The following CSMD1 variants were observed in gnomAD, a reference collection of about 807,000 sequenced individuals.
CSMD1 encodes the protein CUB and sushi domain-containing protein 1.
CSMD1 carries 213 observed loss-of-function variants against 417.5 expected under a neutral mutation model. The ratio of observed to expected loss-of-function variants is 0.51; its 90% CI spans 0.46 to 0.57. The LOEUF is 0.57. Ranked by LOEUF, CSMD1 falls within the 20% of genes least tolerant of loss-of-function variation. The probability of loss-of-function intolerance (pLI) is 0.00; values close to 1 mark genes in which losing one functional copy is unlikely to be tolerated. For missense variants in CSMD1, 6,923 were observed against 4,529.7 expected, an observed-to-expected ratio of 1.53 and a Z score of -15.17; for synonymous variants, 2,862 against 1,736.8, an observed-to-expected ratio of 1.65 and a Z score of -16.11.
chr8:4,440,992 A>G (rs1798435767), intron 2 of CSMD1, among the ~76,000 whole-genome samples: 1 of 135,332 alleles, frequency 7.4e-6, no homozygotes, highest in Non-Finnish European at 1.7e-5. Context: ...GTGAGACTCT[A>G]TCTCAAAAAA....
intron 3 of CSMD1, among the ~76,000 whole-genome samples, chr8:4,183,812 C>G (rs945939181): frequency 1.3e-5 from 2 of 152,132 alleles, no homozygotes; most frequent in Admixed American, 6.6e-5. Flanking sequence ...TCTGTAAGTA[C>G]TTATTAAATG....
intron 1 of CSMD1, among the ~76,000 whole-genome samples, chr8:4,641,929 C>A (rs943282156): frequency 6.6e-6 from 1 of 152,170 alleles, no homozygotes; most frequent in African/African-American, 2.4e-5. Context: ...ATAATTATTG[C>A]TAACATTTTG....
intron 1 of CSMD1, among the ~76,000 whole-genome samples, chr8:4,820,117 G>A (rs552557026): frequency 1.2e-4 from 18 of 152,208 alleles, no homozygotes; most frequent in Non-Finnish European, 2.9e-5. Flanking sequence ...TCTGAGCTGG[G>A]ACAGAGGCTA....
chr8:4,838,664 G>A (rs1400447756), intron 1 of CSMD1, among the ~76,000 whole-genome samples: 1 of 152,202 alleles, frequency 6.6e-6, no homozygotes, highest in African/African-American at 2.4e-5. Context: ...GCGGAGGTGG[G>A]ATGAGAAGCA....
At chr8:3,019,083 A>G (rs1005166412) in intron 51 of CSMD1, among the ~76,000 whole-genome samples, 1 of 152,006 alleles carries the variant, frequency 6.6e-6, no homozygotes, top group African/African-American at 2.4e-5. Context: ...ATGTCCCGCT[A>G]ATTTTTGTAT....
intron 3 of CSMD1, among the ~76,000 whole-genome samples, chr8:4,268,191 A>G (rs1416861198): frequency 1.3e-5 from 2 of 152,188 alleles, no homozygotes; most frequent in African/African-American, 2.4e-5. Flanking sequence ...GTATCAACTC[A>G]CCATAAAGGA....
chr8:4,703,301 T>A (rs1420697005), intron 1 of CSMD1, among the ~76,000 whole-genome samples: 1 of 152,170 alleles, frequency 6.6e-6, no homozygotes, highest in African/African-American at 2.4e-5. Flanking sequence ...ATAATCAGAA[T>A]CTTCTCAGAA....
At chr8:3,854,402 C>G (rs1804146164) in intron 5 of CSMD1, among the ~76,000 whole-genome samples, 1 of 151,976 alleles carries the variant, frequency 6.6e-6, no homozygotes, top group Non-Finnish European at 1.5e-5. Context: ...ATCATATTTT[C>G]AGTGACTTTT....
At chr8:3,681,930 A>G (rs1404106300) in intron 7 of CSMD1, among the ~76,000 whole-genome samples, 2 of 152,262 alleles carry the variant, frequency 1.3e-5, no homozygotes, top group Admixed American at 6.5e-5. Context: ...GACAAAAACA[A>G]GAAATGGGGA....
chr8:4,812,192 C>G (rs1175767680), intron 1 of CSMD1, among the ~76,000 whole-genome samples: 1 of 152,218 alleles, frequency 6.6e-6, no homozygotes, highest in African/African-American at 2.4e-5. Flanking sequence ...ACACAGCTGT[C>G]TGTTCACTGC....
chr8:3,263,249 C>T (rs1054597599), intron 26 of CSMD1, among the ~76,000 whole-genome samples: 4 of 152,178 alleles, frequency 2.6e-5, no homozygotes, highest in African/African-American at 9.7e-5. Flanking sequence ...CAGGTGTGTG[C>T]CACCACATCT....
intron 62 of CSMD1, among the ~76,000 whole-genome samples, chr8:2,960,005 G>A (rs1296261093): frequency 6.6e-6 from 1 of 152,084 alleles, no homozygotes; most frequent in African/African-American, 2.4e-5. Context: ...TCATATGATA[G>A]GTTATAGAAC....
intron 4 of CSMD1, among the ~76,000 whole-genome samples, chr8:4,023,681 G>A (rs945190664): frequency 2.0e-5 from 3 of 150,600 alleles, no homozygotes; most frequent in African/African-American, 7.3e-5. Context: ...CCGCCTCCAG[G>A]GTTCACGCCA....
rs190140912 is a variant in CSMD1, at chr8:3,979,545, G to A, written c.818+18358C>T. Among the ~76,000 whole-genome samples, 12 of 152,268 alleles carry A rather than the reference G, an allele frequency of 7.9e-5. No individual in the cohort carries two copies. The East Asian group carries it at 2.3e-3, about 29-fold the overall frequency. Reference sequence around the variant, plus strand: ...AACTCTCCAAGTCATGATATTAAGAGCTCAGGCCTTTGGAAAACACCTACA... The same window carrying A: ...AACTCTCCAAGTCATGATATTAAGAACTCAGGCCTTTGGAAAACACCTACA... On this transcript the variant is annotated intron_variant, in intron 5 of 69. Transcript: ENST00000635120.
rs767841445 is a variant in CSMD1, at chr8:4,398,384, ACTT to A, written c.415+21566_415+21568del. On this transcript the variant is annotated intron_variant, in intron 3 of 69. Coordinates refer to ENST00000635120, the MANE Select transcript of CSMD1 (RefSeq NM_033225.6). ...CCTCTTTTTAAATTGTCTTGCTGCA[ACTT>A]CTTTTTTTTTTTTTTTTTTTTGTGA... Among the ~76,000 whole-genome samples, 27 of 113,898 alleles carry A rather than the reference ACTT, an allele frequency of 2.4e-4. 2 individuals carry two copies. Among genetic ancestry groups the A allele is most frequent in the East Asian group, 1.1e-3 (4 of 3,774 alleles). 74.7% of individuals were successfully genotyped at this position (113,898 alleles called of 152,430 possible).
At chr8:4,864,179 A>G (rs1333471862) in intron 1 of CSMD1, among the ~76,000 whole-genome samples, 1 of 151,948 alleles carries the variant, frequency 6.6e-6, no homozygotes, top group Non-Finnish European at 1.5e-5. Context: ...ACCTCAAATA[A>G]TAATGAAGTA....
At chr8:3,583,453 A>G (rs187449075) in intron 9 of CSMD1, among the ~76,000 whole-genome samples, 1 of 152,126 alleles carries the variant, frequency 6.6e-6, no homozygotes, top group Admixed American at 6.5e-5. Flanking sequence ...ATATTCCTGG[A>G]AACCGAAAGA....
intron 1 of CSMD1, among the ~76,000 whole-genome samples, chr8:4,956,902 C>G (rs1274624965): frequency 6.6e-6 from 1 of 152,148 alleles, no homozygotes; most frequent in African/African-American, 2.4e-5. Flanking sequence ...CAACCAGGCG[C>G]TCTCATTTTT....
intron 33 of CSMD1, among the ~76,000 whole-genome samples, chr8:3,199,044 A>G (rs1436429769): frequency 1.3e-5 from 2 of 152,244 alleles, no homozygotes; most frequent in Non-Finnish European, 2.9e-5. Flanking sequence ...CTGAAAGTGT[A>G]TGAACAGTTT....
Sources: allele counts gnomAD v4.1 joint callset (sites outside exome capture counted in the v4.1 genomes callset), GRCh38; gene constraint gnomAD v4.1.1; transcripts MANE v1.5; gene names NCBI Gene and HGNC (gene_info 2026-07-23, HGNC 2026-07-21).